LIPA: variants seen among roughly 807,000 people sequenced by gnomAD.
LIPA encodes lipase A, lysosomal acid type, also known as lysosomal acid lipase/cholesteryl ester hydrolase.
A neutral mutation model predicts 40.6 loss-of-function variants in LIPA; 26 were observed. The observed-to-expected ratio is 0.64, with a 90% CI of 0.47 to 0.89. LIPA has a LOEUF of 0.89. Among genes scored for constraint, LIPA ranks in the 40% least tolerant of loss-of-function variants. The probability of loss-of-function intolerance (pLI) is 0.00; values close to 1 mark genes in which losing one functional copy is unlikely to be tolerated. For missense variants in LIPA, 455 were observed against 479.6 expected, an observed-to-expected ratio of 0.95 and a Z score of 0.48; for synonymous variants, 188 against 168.4, an observed-to-expected ratio of 1.12 and a Z score of -0.90.
In LIPA at chr10:89,279,887, T is replaced by C. The variant is rs183618056; in HGVS notation, c.-1-32238A>G. ...AAGCATCTGGTCAATTTCTTTGACC[T>C]GGAAATTCTAATTTCCGGAATGCAT... is the stretch of plus-strand genomic sequence containing the variant. On this transcript the variant is annotated intron_variant, in intron 1 of 5. Transcript: ENST00000282673. Among the ~76,000 whole-genome samples, 3 of 152,346 alleles carry C rather than the reference T, an allele frequency of 2.0e-5. No individual in the cohort carries two copies. The East Asian group carries it at 5.8e-4, about 29-fold the overall frequency.
chr10:89,214,658 G>T lies in LIPA; in HGVS notation c.*170C>A. 1 of 595,152 alleles carries T rather than the reference G, an allele frequency of 1.7e-6. No homozygotes were observed. The highest frequency in any genetic ancestry group is 2.0e-5 in the South Asian group (1 of 49,050). 36.9% of individuals were successfully genotyped at this position (595,152 alleles called of 1,614,324 possible). A position where few individuals can be genotyped will look rare whatever the true frequency, so the allele number is the denominator to read the frequency against. ...TAATTAAAGAAAAAATAGCTAGTATGTTTCTAATTGAAACTAGAGTGAACT... is the reference window on the plus strand; with the variant it reads ...TAATTAAAGAAAAAATAGCTAGTATTTTTCTAATTGAAACTAGAGTGAACT... On this transcript the variant is annotated 3_prime_UTR_variant, in exon 10 of 10. Transcript: ENST00000336233.
upstream of LIPA, among the ~76,000 whole-genome samples, chr10:89,255,546 G>T (rs1003505648): frequency 6.6e-6 from 1 of 152,220 alleles, no homozygotes. Flanking sequence ...GTCCAAGTGA[G>T]AGTTAATAAT....
intron 1 of LIPA, among the ~76,000 whole-genome samples, chr10:89,287,217 C>T (rs574773181): frequency 3.9e-5 from 6 of 152,324 alleles, no homozygotes; most frequent in African/African-American, 1.4e-4. Flanking sequence ...ATCACAGATG[C>T]TTTAGGTAAC....
At chr10:89,369,112 C>G (rs1008095977) in intron 2 of LIPA, among the ~76,000 whole-genome samples, 1 of 152,090 alleles carries the variant, frequency 6.6e-6, no homozygotes, top group African/African-American at 2.4e-5. Context: ...CCACAGTCTA[C>G]GGCAAAGGAA....
intron 1 of LIPA, among the ~76,000 whole-genome samples, chr10:89,275,208 A>T (rs1214922661): frequency 6.6e-6 from 1 of 152,220 alleles, no homozygotes. Flanking sequence ...ACGTTCAAGC[A>T]GGTGTGTTTG....
intron 1 of LIPA, among the ~76,000 whole-genome samples, chr10:89,298,918 G>C (rs1015112079): frequency 6.6e-6 from 1 of 151,972 alleles, no homozygotes; most frequent in Non-Finnish European, 1.5e-5. Context: ...GGGAGGCAGA[G>C]GTTGCAGTGA....
rs145277483 is a variant in LIPA, at chr10:89,309,655, C to G, written c.-2+32956G>C. 2.1e-3 allele frequency among the ~76,000 whole-genome samples: 315 copies of G among 152,210 alleles called. 1 individual carries two copies. Among genetic ancestry groups the G allele is most frequent in the Middle Eastern group, 0.02 (6 of 294 alleles). On this transcript the variant is annotated intron_variant, in intron 1 of 5. Coordinates refer to the LIPA transcript ENST00000282673. ...GTCCTTGCATGTCATGCCTCCAGTC[C>G]CTTGCTGGAACAGGACCCTTAGTGG...
rs1470771203 is a variant in LIPA at position 89,215,041 on chromosome 10, A to G, written c.987T>C (p.Asn329=). Residue 329 remains asparagine, a synonymous_variant, in exon 10 of 10, where the codon AAT becomes AAC. Coordinates refer to ENST00000336233, the MANE Select transcript of LIPA (RefSeq NM_000235.4). ...HYNQSYPPTY[N]VKDMLVPTAV... ...CAGTCGGCACAAGCATGTCCTTCAC[A>G]TTGTATGTGGGAGGATAACTCTACA... The G allele has an allele frequency of 3.7e-6, 6 of 1,613,084 alleles. No individual in the cohort carries two copies. The East Asian group carries it at 1.1e-4, about 30-fold the overall frequency.
chr10:89,329,658 ACT>A (rs1843631075), intron 1 of LIPA, among the ~76,000 whole-genome samples: 2 of 152,158 alleles, frequency 1.3e-5, no homozygotes, highest in South Asian at 4.1e-4. Flanking sequence ...CCACTGAGGA[ACT>A]CTGTTGCTCC....
At chr10:89,237,453 C>CA (rs77561722) in intron 3 of LIPA, among the ~76,000 whole-genome samples, 423 of 139,202 alleles carry the variant, frequency 3.0e-3, no homozygotes, top group African/African-American at 0.012. Flanking sequence ...TCCATTCTAA[C>CA]AAAAAAAAAT....
At chr10:89,346,457 A>G (rs1249424209), upstream of LIPA, among the ~76,000 whole-genome samples, 1 of 152,182 alleles carries the variant, frequency 6.6e-6, no homozygotes, top group African/African-American at 2.4e-5. Context: ...CCTGCAACAC[A>G]AGCTCTGCTC....
intron 2 of LIPA, among the ~76,000 whole-genome samples, chr10:89,385,982 G>A (rs1483086304): frequency 6.6e-6 from 1 of 152,240 alleles, no homozygotes; most frequent in Non-Finnish European, 1.5e-5. Context: ...TAGAAGGCCT[G>A]AAGCAGAGGA....
intron 3 of LIPA, among the ~76,000 whole-genome samples, chr10:89,236,591 A>G (rs1446496656): frequency 6.6e-6 from 1 of 152,246 alleles, no homozygotes; most frequent in African/African-American, 2.4e-5. Context: ...GATATGTGTC[A>G]TAGATTGAGG....
chr10:89,413,003 C>G (rs1841487820), intron 1 of LIPA: 1 of 176,446 alleles, frequency 5.7e-6, no homozygotes, highest in Admixed American at 6.1e-5. Context: ...GATGCTCTCC[C>G]TCCCACCACC....
chr10:89,390,695 A>AG (rs5786868), intron 2 of LIPA, among the ~76,000 whole-genome samples: 38,300 of 152,066 alleles, frequency 0.25, 5,034 homozygotes, highest in Middle Eastern at 0.29. Flanking sequence ...TAGCCCAAAG[A>AG]GACACTAAGC....
At chr10:89,306,664 T>G in intron 1 of LIPA, 1 of 1,614,088 alleles carries the variant, frequency 6.2e-7, no homozygotes, top group Non-Finnish European at 8.5e-7. Flanking sequence ...AGAAGTTAGT[T>G]GAAGAAGCCT....
rs746566896 is a variant in LIPA at position 89,222,574 on chromosome 10, C to T, written c.831G>A (p.Val277=). 1.3e-6 allele frequency: 2 copies of T among 1,586,602 alleles called. No individual in the cohort carries two copies. Among genetic ancestry groups the T allele is most frequent in the Admixed American group, 1.7e-5 (1 of 59,964 alleles). ...CAGGAGAATGTGTTGTATATACATCCACTCTAGACTGCAAAATAAATACAT... is the reference window on the plus strand; with the variant it reads ...CAGGAGAATGTGTTGTATATACATCTACTCTAGACTGCAAAATAAATACAT... ...FNERNLNMSR[V]DVYTTHSPAG... Residue 277 remains valine, a synonymous_variant, in exon 8 of 10, where the codon GTG becomes GTA. Transcript: ENST00000336233.
chr10:89,357,801 G>A (rs536212430), intron 2 of LIPA, among the ~76,000 whole-genome samples: 1 of 152,244 alleles, frequency 6.6e-6, no homozygotes, highest in South Asian at 2.1e-4. Flanking sequence ...AAGCATCAAT[G>A]CTTGGGGTTT....
chr10:89,263,886 G>A (rs1344262952), intron 1 of LIPA, among the ~76,000 whole-genome samples: 1 of 152,242 alleles, frequency 6.6e-6, no homozygotes, highest in Non-Finnish European at 1.5e-5. Context: ...GCTCTGGTGG[G>A]GTGGGCAGCT....
Sources: gnomAD v4.1 joint callset for allele counts (sites outside exome capture counted in the v4.1 genomes callset) on GRCh38, gnomAD v4.1.1 for gene constraint, MANE v1.5 for transcripts, NCBI Gene and HGNC (gene_info 2026-07-23, HGNC 2026-07-21) for gene names.